Variants in P2RY6 observed in about 807,000 individuals in gnomAD.
The protein encoded by P2RY6 is P2Y purinoceptor 6.
In P2RY6, 19 loss-of-function variants were observed where a neutral mutation model predicts 16.3. The observed-to-expected ratio is 1.16, with a 90% CI of 0.81 to 1.71. P2RY6 has a LOEUF of 1.71. Ranked by LOEUF, P2RY6 falls within the 40% of genes most tolerant of loss-of-function variation. The pLI, the probability that P2RY6 is intolerant of heterozygous loss-of-function variation, is 0.00. For synonymous variants in P2RY6, 184 were observed against 201.5 expected (o/e 0.91, Z 0.74); for missense variants, 389 against 455.5 (o/e 0.85, Z 1.33).
intron 1 of P2RY6, among the ~76,000 whole-genome samples, chr11:73,293,450 T>C (rs549177698): frequency 6.6e-5 from 10 of 152,288 alleles, no homozygotes; most frequent in African/African-American, 2.4e-4. Context: ...CCCCCCACCA[T>C]GGGCAGAGTC....
chr11:73,273,785 G>A (rs1206491999), intron 1 of P2RY6, among the ~76,000 whole-genome samples: 1 of 152,074 alleles, frequency 6.6e-6, no homozygotes, highest in Non-Finnish European at 1.5e-5. Flanking sequence ...TTCCATCTGT[G>A]GCTATGCACT....
intron 1 of P2RY6, among the ~76,000 whole-genome samples, chr11:73,290,311 GAAAGAAA>G (rs1864165645): frequency 1.5e-5 from 1 of 67,468 alleles, no homozygotes; most frequent in South Asian, 4.6e-4. Context: ...AGAAAAGAAA[GAAAGAAA>G]GAAAGAAAGA....
At chr11:73,270,434 C>T (rs1370204722), upstream of P2RY6, among the ~76,000 whole-genome samples, 1 of 152,110 alleles carries the variant, frequency 6.6e-6, no homozygotes, top group Non-Finnish European at 1.5e-5. Flanking sequence ...GGGGGCACAG[C>T]CAGCCCCTCA....
chr11:73,286,965 A>T (rs564589155), intron 1 of P2RY6, among the ~76,000 whole-genome samples: 8 of 152,356 alleles, frequency 5.3e-5, no homozygotes, highest in Admixed American at 1.3e-4. Context: ...CACAAGGTGC[A>T]GATCTACAGG....
At chr11:73,292,875 A>G (rs950173819) in intron 1 of P2RY6, 1 of 984,784 alleles carries the variant, frequency 1.0e-6, no homozygotes, top group Non-Finnish European at 1.2e-6. Context: ...CCTTTGCCCC[A>G]ACACACTTGG....
At chr11:73,276,060 G>A (rs961342844) in intron 1 of P2RY6, among the ~76,000 whole-genome samples, 6 of 152,160 alleles carry the variant, frequency 3.9e-5, no homozygotes, top group Non-Finnish European at 8.8e-5. Flanking sequence ...ACTCCGTGGG[G>A]TACTTGTTCC....
At chr11:73,272,605 C>T (rs1863360161) in intron 1 of P2RY6, 139 bp downstream of exon 1, 1 of 651,414 alleles carries the variant, frequency 1.5e-6, no homozygotes, top group Admixed American at 6.3e-5. Context: ...CTGGGGTCCT[C>T]CTCCTTCCTC....
chr11:73,293,639 T>C (rs1212265543), intron 1 of P2RY6, among the ~76,000 whole-genome samples: 1 of 152,150 alleles, frequency 6.6e-6, no homozygotes, highest in East Asian at 1.9e-4. Context: ...CCTCAGAAAG[T>C]AGACAAGAGA....
In P2RY6 at chr11:73,292,749, A is replaced by G. The variant is rs531851515; in HGVS notation, c.-120-2981A>G. Reference sequence around the variant, plus strand: ...ATGGCAGGGAGCCGGTGGCCCCCACAGGGGCTCTTTTAGTCAGAGACAGCC... The same window carrying G: ...ATGGCAGGGAGCCGGTGGCCCCCACGGGGGCTCTTTTAGTCAGAGACAGCC... On this transcript the variant is annotated intron_variant, in intron 1 of 2. Coordinates refer to ENST00000540124, the MANE Select transcript of P2RY6 (RefSeq NM_001277204.2). 4,030 of 978,412 alleles carry G rather than the reference A, an allele frequency of 4.1e-3. 14 individuals carry two copies. The highest frequency in any genetic ancestry group is 4.6e-3 in the Non-Finnish European group (3,758 of 823,478). 60.6% of individuals were successfully genotyped at this position (978,412 alleles called of 1,614,324 possible). A position where few individuals can be genotyped will look rare whatever the true frequency, so the allele number is the denominator to read the frequency against.
upstream of P2RY6, chr11:73,271,666 G>A (rs547837545): frequency 7.2e-5 from 11 of 152,312 alleles, no homozygotes; most frequent in Non-Finnish European, 1.5e-4. Context: ...CCCAGGCCTG[G>A]TTTCGGGTCT....
chr11:73,279,292 T>G lies in P2RY6; in HGVS notation c.-121+6826T>G, dbSNP rs545663455. Among the ~76,000 whole-genome samples the G allele has an allele frequency of 7.2e-5, 11 of 152,362 alleles. 1 individual carries two copies. In the South Asian group the frequency reaches 2.3e-3, roughly 32 times the overall value. ...TTAATACCTTATCAGACATATGGTT[T>G]GCAAATATTTGCTCCCATTCTGTAG... On this transcript the variant is annotated intron_variant, in intron 1 of 2. Coordinates refer to ENST00000540124, the MANE Select transcript of P2RY6 (RefSeq NM_001277204.2).
intron 1 of P2RY6, among the ~76,000 whole-genome samples, chr11:73,291,913 C>T (rs1475752633): frequency 6.6e-6 from 1 of 152,252 alleles, no homozygotes; most frequent in Non-Finnish European, 1.5e-5. Context: ...AGCATTCTTT[C>T]CCCACACCAT....
intron 1 of P2RY6, among the ~76,000 whole-genome samples, chr11:73,273,683 C>G (rs1196537099): frequency 6.6e-6 from 1 of 152,214 alleles, no homozygotes; most frequent in Non-Finnish European, 1.5e-5. Context: ...CTGTGGCTGT[C>G]TCTGGAGACC....
rs748997159 is a variant in P2RY6, at chr11:73,296,852, G to A, written c.334G>A (p.Gly112Ser). ...VRFLFYANLH[G>S]SILFLTCISF... is the part of the protein sequence containing the mutation. ...CTTCCTCTTCTATGCCAACCTGCAC[G>A]GCAGCATCCTCTTCCTCACCTGCAT... is the stretch of plus-strand genomic sequence containing the variant. Residue 112 changes from glycine (G) to serine (S), a missense_variant, in exon 3 of 3, where the codon GGC (glycine) becomes AGC (serine). By Grantham distance (56) the Gly-to-Ser change is moderately conservative (BLOSUM62 0). Transcript: ENST00000540124. The A allele has an allele frequency of 1.4e-5, 23 of 1,610,714 alleles. No homozygotes were observed. Among genetic ancestry groups the A allele is most frequent in the East Asian group, 2.2e-5 (1 of 44,882 alleles).
chr11:73,276,660 A>G (rs1301517731), intron 1 of P2RY6, among the ~76,000 whole-genome samples: 2 of 152,246 alleles, frequency 1.3e-5, no homozygotes, highest in East Asian at 3.8e-4. Flanking sequence ...AGAACAGGCA[A>G]ATTCATAAAT....
intron 1 of P2RY6, among the ~76,000 whole-genome samples, chr11:73,294,358 T>C (rs2135756636): frequency 6.6e-6 from 1 of 152,350 alleles, no homozygotes; most frequent in African/African-American, 2.4e-5. Context: ...TGTATCTAGC[T>C]GGCAGGGAGG....
At chr11:73,267,830 G>C (rs1863155372), upstream of P2RY6, among the ~76,000 whole-genome samples, 1 of 152,238 alleles carries the variant, frequency 6.6e-6, no homozygotes, top group Admixed American at 6.5e-5. Context: ...TGGCTGAAGA[G>C]GGTGAGCCAG....
chr11:73,297,264 C>T lies in P2RY6; in HGVS notation c.746C>T (p.Ala249Val). Residue 249 changes from alanine to valine, a missense_variant, in exon 3 of 3, where the codon GCC becomes GTC. Transcript: ENST00000540124. ...RMAVVVAAAF[A>V]ISFLPFHITK... ...GCCGTGGTGGTGGCTGCTGCCTTTGCCATCAGCTTCCTGCCTTTTCACATC... is the reference window on the plus strand; with the variant it reads ...GCCGTGGTGGTGGCTGCTGCCTTTGTCATCAGCTTCCTGCCTTTTCACATC... 1 of 1,606,712 alleles carries T rather than the reference C, an allele frequency of 6.2e-7. No individual in the cohort carries two copies. Among genetic ancestry groups the T allele is most frequent in the Non-Finnish European group, 8.5e-7 (1 of 1,179,534 alleles).
rs139110731 is a variant in P2RY6 at position 73,276,336 on chromosome 11, T to C, written c.-121+3870T>C. On this transcript the variant is annotated intron_variant, in intron 1 of 2. Transcript: ENST00000540124. ...AGGCAGCACCTCAAAAGTTTAAACA[T>C]AGAGTTACCATATGACCCCCTGGTT... is the stretch of plus-strand genomic sequence containing the variant. Among the ~76,000 whole-genome samples, 173 of 152,320 alleles carry C rather than the reference T, an allele frequency of 1.1e-3. 2 individuals carry two copies. Among genetic ancestry groups the C allele is most frequent in the African/African-American group, 3.9e-3 (161 of 41,558 alleles).
Sources: allele counts gnomAD v4.1 joint callset (sites outside exome capture counted in the v4.1 genomes callset), GRCh38; gene constraint gnomAD v4.1.1; transcripts MANE v1.5; gene names NCBI Gene and HGNC (gene_info 2026-07-23, HGNC 2026-07-21).